Variants in FKBP2 observed in about 807,000 individuals in gnomAD.
FKBP2 encodes peptidyl-prolyl cis-trans isomerase FKBP2.
In FKBP2, 15 loss-of-function variants were observed where a neutral mutation model predicts 19.4. The observed-to-expected ratio is 0.77, with a 90% confidence interval of 0.52 to 1.19. FKBP2 has a LOEUF of 1.19. Ranked by LOEUF, FKBP2 falls within the 50% of genes most tolerant of loss-of-function variation. FKBP2 has a pLI of 0.00. For synonymous variants in FKBP2, 76 were observed against 74.8 expected (o/e 1.02, Z -0.08); for missense variants, 170 against 179.0 (o/e 0.95, Z 0.29).
In FKBP2 at chr11:64,242,521, A is replaced by C; in HGVS notation, c.134A>C (p.Lys45Thr). The stretch of plus-strand genomic sequence containing the variant: ...AAGCGGGTGGACCACTGTCCCATCA[A>C]ATCGCGCAAAGGGGATGTCCTGCAC... ...VKKRVDHCPI[K>T]SRKGDVLHMH... The change falls in exon 2 of 6, where the codon AAA becomes ACA. Residue 45 changes from lysine to threonine, a missense_variant. Physicochemically the swap from Lys to Thr is moderately conservative, Grantham distance 78. Coordinates refer to ENST00000309366, the MANE Select transcript of FKBP2 (RefSeq NM_004470.4). 6.4e-7 allele frequency: 1 copy of C among 1,551,488 alleles called. No homozygotes were observed. Among genetic ancestry groups the C allele is most frequent in the South Asian group, 1.2e-5 (1 of 83,732 alleles).
intron 2 of FKBP2, 89 bp from the exon 3 acceptor site, chr11:64,243,110 G>C (rs1236694546): frequency 2.5e-6 from 3 of 1,183,226 alleles, no homozygotes; most frequent in Admixed American, 1.7e-5. Flanking sequence ...GGGTGGGCGT[G>C]GGGGGGCAGC....
At chr11:64,242,608 C>T in intron 2 of FKBP2, 50 bp downstream of exon 2, 1 of 1,512,410 alleles carries the variant, frequency 6.6e-7, no homozygotes, top group Non-Finnish European at 8.8e-7. Context: ...TTCCGAGGAC[C>T]AGAGAGTGCT....
chr11:64,242,195 C>T (rs1310207305), intron 1 of FKBP2, 189 bp from the exon 2 acceptor site: 2 of 516,680 alleles, frequency 3.9e-6, no homozygotes, highest in African/African-American at 4.0e-5. Context: ...CTCGGCCAAG[C>T]CCCCTTCTCA....
In FKBP2 at chr11:64,242,471, A is replaced by G; in HGVS notation, c.84A>G (p.Lys28=). The G allele has an allele frequency of 6.5e-7, 1 of 1,550,114 alleles. No individual in the cohort carries two copies. The highest frequency in any genetic ancestry group is 2.5e-5 in the East Asian group (1 of 40,226). The change falls in exon 2 of 6, where the codon AAA becomes AAG. Residue 28 remains lysine (K), a synonymous_variant. Transcript: ENST00000309366. ...CCACGGCCACGGGGGCCGAGGGCAAAAGGAAGCTGCAGATCGGGGTCAAGA... is the reference window on the plus strand; with the variant it reads ...CCACGGCCACGGGGGCCGAGGGCAAGAGGAAGCTGCAGATCGGGGTCAAGA... ...AVATATGAEG[K]RKLQIGVKKR...
At chr11:64,241,158 G>C (rs938302031) in intron 1 of FKBP2, 26 bp downstream of exon 1, 6 of 152,564 alleles carry the variant, frequency 3.9e-5, no homozygotes, top group African/African-American at 1.2e-4. Context: ...AGCCCGGGCT[G>C]GGGGGAGCCG....
Position 64,243,480 on chromosome 11 carries a change from T to C in FKBP2, c.314T>C (p.Val105Ala). The change falls in exon 4 of 6, where the codon GTG becomes GCG. Residue 105 changes from valine to alanine, a missense_variant. Transcript: ENST00000309366. ...GMCEGEKRKL[V>A]IPSELGYGER... Reference sequence around the variant, plus strand: ...TGTGAGGGGGAAAAGCGCAAGCTGGTGATCCCATCCGAGCTAGGTAAGAGG... The same window carrying C: ...TGTGAGGGGGAAAAGCGCAAGCTGGCGATCCCATCCGAGCTAGGTAAGAGG... 5.6e-6 allele frequency: 9 copies of C among 1,613,926 alleles called. No homozygotes were observed. Among genetic ancestry groups the C allele is most frequent in the Non-Finnish European group, 7.6e-6 (9 of 1,180,008 alleles).
chr11:64,243,180 CCTT>C lies in FKBP2; in HGVS notation c.172-16_172-14del. The C allele has an allele frequency of 3.7e-6, 6 of 1,610,572 alleles. No homozygotes were observed. The highest frequency in any genetic ancestry group is 8.5e-7 in the Non-Finnish European group (1 of 1,177,468). The stretch of plus-strand genomic sequence containing the variant: ...GGGGTGGTCCCCTCTTCCTCACTGG[CCTT>C]CTCATGGTTCCACAGGGGAAGCTGG... On this transcript the variant is annotated splice_polypyrimidine_tract_variant and intron_variant, in intron 2 of 5. Transcript: ENST00000309366.
At chr11:64,242,971 C>T (rs1055191596) in intron 2 of FKBP2, among the ~76,000 whole-genome samples, 2 of 152,186 alleles carry the variant, frequency 1.3e-5, no homozygotes, top group African/African-American at 4.8e-5. Context: ...ACTTGGGAGG[C>T]TGAGGTGGAA....
At chr11:64,242,629 G>A in intron 2 of FKBP2, 71 bp downstream of exon 2, 1 of 1,470,546 alleles carries the variant, frequency 6.8e-7, no homozygotes. Context: ...TGGGAGTCTG[G>A]TTCTCCATAA....
In FKBP2 at chr11:64,244,113, A is replaced by C; in HGVS notation, c.*84A>C. On this transcript the variant is annotated 3_prime_UTR_variant, in exon 6 of 6. Transcript: ENST00000309366. ...AAAAACAAAAAACAAAAACAAACAA[A>C]AAAACACTTAAAAGCCCAAGGAGTA... 1 of 1,462,696 alleles carries C rather than the reference A, an allele frequency of 6.8e-7. No individual in the cohort carries two copies. Among genetic ancestry groups the C allele is most frequent in the Non-Finnish European group, 9.4e-7 (1 of 1,061,948 alleles). The allele number at this position is 1,462,696 out of a possible 1,614,324, so 90.6% of individuals were successfully genotyped here.
intron 1 of FKBP2, 63 bp from the exon 2 acceptor site, chr11:64,242,321 G>A (rs943837273): frequency 2.8e-6 from 4 of 1,416,628 alleles, no homozygotes; most frequent in East Asian, 2.7e-5. Flanking sequence ...TTACCTACCC[G>A]TGTTCCATAC....
Position 64,242,468 on chromosome 11 carries a change from CA to C in FKBP2, c.85del (p.Arg29GlyfsTer77). 1 of 1,548,972 alleles carries C rather than the reference CA, an allele frequency of 6.5e-7. No homozygotes were observed. Among genetic ancestry groups the C allele is most frequent in the Non-Finnish European group, 8.7e-7 (1 of 1,154,834 alleles). On this transcript the variant is annotated frameshift_variant, in exon 2 of 6. Coordinates refer to ENST00000309366, the MANE Select transcript of FKBP2 (RefSeq NM_004470.4). LOFTEE classifies it high-confidence loss of function. ...TGGCCACGGCCACGGGGGCCGAGGG[CA>C]AAAGGAAGCTGCAGATCGGGGTCAA... ...AVATATGAEG[K>X]RKLQIGVKKR...
intron 1 of FKBP2, chr11:64,241,696 C>A (rs1367089010): frequency 6.6e-6 from 1 of 152,226 alleles, no homozygotes; most frequent in African/African-American, 2.4e-5. Context: ...GGGGTGGTCT[C>A]CGTGGTGGCC....
At chr11:64,241,419 G>T (rs905571781) in intron 1 of FKBP2, among the ~76,000 whole-genome samples, 2 of 152,030 alleles carry the variant, frequency 1.3e-5, no homozygotes, top group African/African-American at 4.8e-5. Context: ...GAGCTAGGAG[G>T]GTCGGGGGAC....
intron 4 of FKBP2, 110 bp downstream of exon 4, chr11:64,243,607 C>T (rs2030699418): frequency 2.2e-6 from 3 of 1,389,752 alleles, no homozygotes; most frequent in East Asian, 4.6e-5. Context: ...CATTACAATA[C>T]ATGCCTCCTC....
Position 64,242,412 on chromosome 11 carries a change from C to A in FKBP2, c.25C>A (p.Leu9Met). Reference protein sequence around the residue: MRLSWFRVLTVLSICLSAV... With the variant: MRLSWFRVMTVLSICLSAV... ...CATGAGGCTGAGCTGGTTCCGGGTC[C>A]TGACAGTACTGTCCATCTGCCTGAG... Residue 9 changes from leucine (L) to methionine (M), a missense_variant, in exon 2 of 6, where the codon CTG (leucine) becomes ATG (methionine). Leu to Met is a conservative substitution (Grantham distance 15, BLOSUM62 2). Transcript: ENST00000309366. 1 of 1,547,986 alleles carries A rather than the reference C, an allele frequency of 6.5e-7. No homozygotes were observed.
In FKBP2 at chr11:64,243,464, GA is replaced by G; in HGVS notation, c.302del (p.Lys101SerfsTer5). The G allele has an allele frequency of 6.2e-7, 1 of 1,614,044 alleles. No individual in the cohort carries two copies. ...GTCTTCCTGCAGGATGTGTGAGGGG[GA>G]AAAGCGCAAGCTGGTGATCCCATCC... is the stretch of plus-strand genomic sequence containing the variant. The part of the protein sequence containing the change: ...DQGLLGMCEG[E>X]KRKLVIPSEL... On this transcript the variant is annotated frameshift_variant, in exon 4 of 6. Transcript: ENST00000309366. LOFTEE classifies it high-confidence loss of function.
intron 2 of FKBP2, 29 bp downstream of exon 2, chr11:64,242,587 G>A (rs1226849492): frequency 6.6e-7 from 1 of 1,524,952 alleles, no homozygotes; most frequent in Non-Finnish European, 8.8e-7. Context: ...CCTTTTGGGA[G>A]TGGGTGGGGC....
At position 64,244,126 on chromosome 11, in the gene FKBP2, A is replaced by C; in HGVS notation, c.*97A>C. ...AAAAACAAACAAAAAAACACTTAAA[A>C]GCCCAAGGAGTAAGCCTGTGTGTGT... On this transcript the variant is annotated 3_prime_UTR_variant, in exon 6 of 6. Coordinates refer to ENST00000309366, the MANE Select transcript of FKBP2 (RefSeq NM_004470.4). 6 of 1,356,436 alleles carry C rather than the reference A, an allele frequency of 4.4e-6. No homozygotes were observed. The highest frequency in any genetic ancestry group is 6.1e-6 in the Non-Finnish European group (6 of 978,554). The allele number at this position is 1,356,436 out of a possible 1,614,324, so 84.0% of individuals were successfully genotyped here.
Sources: allele counts gnomAD v4.1 joint callset (sites outside exome capture counted in the v4.1 genomes callset), GRCh38; gene constraint gnomAD v4.1.1; transcripts MANE v1.5; gene names NCBI Gene and HGNC (gene_info 2026-07-23, HGNC 2026-07-21).